DEPDC4: variants seen among roughly 807,000 people sequenced by gnomAD.
The protein encoded by DEPDC4 is DEP domain-containing protein 4.
Under a neutral mutation model 52.0 loss-of-function variants are expected in DEPDC4, and 52 were observed. The ratio of observed to expected loss-of-function variants is 1.00; its 90% CI spans 0.80 to 1.26. DEPDC4 has a LOEUF of 1.26. Ranked by LOEUF, DEPDC4 falls within the 50% of genes most tolerant of loss-of-function variation. The probability of loss-of-function intolerance (pLI) is 0.00; values close to 1 mark genes in which losing one functional copy is unlikely to be tolerated. For missense variants in DEPDC4, 530 were observed against 546.9 expected (o/e 0.97, Z 0.31); for synonymous variants, 201 against 196.8 (o/e 1.02, Z -0.18).
chr12:100,238,101 A>T, downstream of DEPDC4: 1 of 968,534 alleles, frequency 1.0e-6, no homozygotes, highest in Non-Finnish European at 1.2e-6. Flanking sequence ...CTGGAAGTAT[A>T]CTAACTTCCT....
the DEPDC4 span, among the ~76,000 whole-genome samples, chr12:100,276,027 G>A: frequency 6.6e-6 from 1 of 152,116 alleles, no homozygotes; most frequent in South Asian, 2.1e-4. Context: ...ACCCCATTTG[G>A]TCGTGGGGTT....
At chr12:100,271,691 A>T (rs1325414361), upstream of DEPDC4, among the ~76,000 whole-genome samples, 1 of 152,212 alleles carries the variant, frequency 6.6e-6, no homozygotes, top group Non-Finnish European at 1.5e-5. Context: ...TGCCAGATGT[A>T]ATTACGGTAA....
At chr12:100,273,096 TAG>T in the DEPDC4 span, among the ~76,000 whole-genome samples, 2 of 152,166 alleles carry the variant, frequency 1.3e-5, no homozygotes, top group Non-Finnish European at 2.9e-5. Context: ...CTCTGCTTGA[TAG>T]AGTGATTGAT....
At chr12:100,242,627 C>A (rs1286993706) in intron 8 of DEPDC4, 58 bp from the exon 9 acceptor site, 17 of 154,800 alleles carry the variant, frequency 1.1e-4, no homozygotes, top group Non-Finnish European at 2.5e-4. Context: ...GAGTTAGGAT[C>A]TGAACCCAGG....
At chr12:100,262,229 T>C (rs1470593868) in intron 3 of DEPDC4, 35 bp downstream of exon 3, 24 of 1,586,394 alleles carry the variant, frequency 1.5e-5, no homozygotes, top group Non-Finnish European at 2.0e-5. Context: ...AGTTCTTCCT[T>C]ACCATGTTCT....
intron 4 of DEPDC4, among the ~76,000 whole-genome samples, chr12:100,254,326 T>C: frequency 6.9e-6 from 1 of 144,170 alleles, no homozygotes; most frequent in Non-Finnish European, 1.5e-5. Context: ...TGACTTTTTT[T>C]TTTTTTTTTT....
chr12:100,236,354 AT>A (rs1341694770), downstream of DEPDC4, among the ~76,000 whole-genome samples: 3 of 149,520 alleles, frequency 2.0e-5, no homozygotes, highest in East Asian at 2.0e-4. Context: ...GCCAACATCT[AT>A]TTTTTTTTTA....
At chr12:100,267,229 C>T (rs554426847), upstream of DEPDC4, 93 of 791,818 alleles carry the variant, frequency 1.2e-4, no homozygotes, top group East Asian at 2.5e-3. Flanking sequence ...CCTCCCCACC[C>T]CTTTCCTTCT....
rs569709241 is a variant in DEPDC4 at position 100,251,107 on chromosome 12, A to C, written c.1374+1069T>G. Among the ~76,000 whole-genome samples, 11 of 152,264 alleles carry C rather than the reference A, an allele frequency of 7.2e-5. No individual in the cohort carries two copies. In the East Asian group the frequency reaches 1.5e-3, roughly 21 times the overall value. On this transcript the variant is annotated intron_variant, in intron 7 of 9. Transcript: ENST00000550587. ...ATGTTGCATTATGACATGAGACAAA[A>C]ATTTTTTTAAAAATAAAATGGGGTC...
chr12:100,273,794 C>T, the DEPDC4 span, among the ~76,000 whole-genome samples: 1 of 152,140 alleles, frequency 6.6e-6, no homozygotes, highest in South Asian at 2.1e-4. Flanking sequence ...TACATTCTTA[C>T]CACAAGTTAA....
intron 9 of DEPDC4, among the ~76,000 whole-genome samples, chr12:100,232,443 A>G (rs572144895): frequency 4.0e-4 from 61 of 152,036 alleles, no homozygotes; most frequent in Non-Finnish European, 7.9e-4. Context: ...CATAATTTAT[A>G]TACCTCACAA....
At chr12:100,257,063 T>C (rs897272468) in intron 3 of DEPDC4, among the ~76,000 whole-genome samples, 1 of 152,150 alleles carries the variant, frequency 6.6e-6, no homozygotes, top group Non-Finnish European at 1.5e-5. Flanking sequence ...ACTTTGTTTT[T>C]CCTTTATTTT....
chr12:100,281,019 GTTTTTTTTTTTTTT>G, the DEPDC4 span, among the ~76,000 whole-genome samples: 6 of 50,492 alleles, frequency 1.2e-4, no homozygotes, highest in East Asian at 6.2e-4. Context: ...TACCATCAGT[GTTTTTTTTTTTTTT>G]TTTTTTTTTT....
upstream of DEPDC4, chr12:100,267,224 C>T (rs1162435928): frequency 2.5e-6 from 2 of 812,392 alleles, no homozygotes; most frequent in East Asian, 2.7e-5. Context: ...CCTCCCCTCC[C>T]CACCCCTTTC....
intron 7 of DEPDC4, among the ~76,000 whole-genome samples, chr12:100,250,767 T>C (rs1339714681): frequency 6.6e-6 from 1 of 151,510 alleles, no homozygotes; most frequent in African/African-American, 2.4e-5. Context: ...GCAGGTAAAC[T>C]ACATATGAGA....
intron 2 of DEPDC4, among the ~76,000 whole-genome samples, chr12:100,263,182 G>A (rs946355431): frequency 3.3e-5 from 5 of 152,100 alleles, no homozygotes; most frequent in Admixed American, 6.6e-5. Context: ...GGCTGGTTTC[G>A]AACTCCTGAT....
the DEPDC4 span, among the ~76,000 whole-genome samples, chr12:100,280,638 G>A: frequency 6.6e-6 from 1 of 152,114 alleles, no homozygotes; most frequent in Non-Finnish European, 1.5e-5. Flanking sequence ...TATTAATACA[G>A]GTTGAATATC....
chr12:100,267,151 T>G (rs531126262), upstream of DEPDC4: 2 of 1,506,754 alleles, frequency 1.3e-6, no homozygotes, highest in Non-Finnish European at 9.0e-7. Context: ...GGAAGTGACG[T>G]CATGCCCCCG....
intron 8 of DEPDC4, among the ~76,000 whole-genome samples, chr12:100,243,768 A>T (rs913249616): frequency 4.0e-5 from 6 of 151,360 alleles, no homozygotes; most frequent in African/African-American, 1.5e-4. Flanking sequence ...CTCATCATAC[A>T]TCCAGTCTTC....
Sources: allele counts gnomAD v4.1 joint callset (sites outside exome capture counted in the v4.1 genomes callset), GRCh38; gene constraint gnomAD v4.1.1; transcripts MANE v1.5; gene names NCBI Gene and HGNC (gene_info 2026-07-23, HGNC 2026-07-21).